Variants in ARHGAP20 observed in about 807,000 individuals in gnomAD.
ARHGAP20 encodes the protein rho GTPase-activating protein 20.
In ARHGAP20, 34 loss-of-function variants were observed where a neutral mutation model predicts 73.7. That is an observed-to-expected ratio of 0.46 (90% confidence interval 0.35 to 0.61). The LOEUF (loss-of-function observed/expected upper bound fraction) is 0.61, where lower values mean the gene tolerates loss of function less well. ARHGAP20 is among the 20% of genes least tolerant of loss of function. ARHGAP20 has a pLI of 0.00. For missense variants in ARHGAP20, 1,314 were observed against 1,420.9 expected (o/e 0.92, Z 1.21); for synonymous variants, 523 against 518.2 (o/e 1.01, Z -0.13).
At chr11:110,639,476 T>G (rs910478676) in intron 2 of ARHGAP20, among the ~76,000 whole-genome samples, 1 of 151,966 alleles carries the variant, frequency 6.6e-6, no homozygotes, top group Non-Finnish European at 1.5e-5. Flanking sequence ...TCAGTGGCAT[T>G]TAGTACACTG....
chr11:110,597,294 T>TAAA lies in ARHGAP20; in HGVS notation c.965-5142_965-5140dup, dbSNP rs35017824. On this transcript the variant is annotated intron_variant, in intron 9 of 14. Coordinates refer to ENST00000683387, the MANE Select transcript of ARHGAP20 (RefSeq NM_001384657.1). ...CCCTAAAGTATAATAATAATAAAAT[T>TAAA]AAAAAAAAAAAAACTGAAAAGGAAA... 3.9e-3 allele frequency among the ~76,000 whole-genome samples: 555 copies of TAAA among 142,624 alleles called. 2 individuals carry two copies. Among genetic ancestry groups the TAAA allele is most frequent in the African/African-American group, 0.012 (458 of 39,230 alleles). The allele number at this position is 142,624 out of a possible 152,430, so 93.6% of individuals were successfully genotyped here.
chr11:110,585,023 ATG>A (rs1180662659), intron 12 of ARHGAP20, among the ~76,000 whole-genome samples: 18 of 83,274 alleles, frequency 2.2e-4, no homozygotes, highest in East Asian at 5.0e-4. Flanking sequence ...GTGAACATAT[ATG>A]TGAATATATG....
intron 2 of ARHGAP20, among the ~76,000 whole-genome samples, chr11:110,646,853 G>C (rs1445520446): frequency 6.6e-6 from 1 of 152,072 alleles, no homozygotes; most frequent in Non-Finnish European, 1.5e-5. Flanking sequence ...GAGTGAGATA[G>C]GAAGAGGGTA....
chr11:110,598,845 G>T (rs1183879256), intron 9 of ARHGAP20, among the ~76,000 whole-genome samples: 1 of 152,132 alleles, frequency 6.6e-6, no homozygotes, highest in Non-Finnish European at 1.5e-5. Flanking sequence ...CATGGCTGTG[G>T]ACCCTGGAAT....
chr11:110,656,507 G>T (rs1258434968), intron 2 of ARHGAP20, among the ~76,000 whole-genome samples: 1 of 152,090 alleles, frequency 6.6e-6, no homozygotes, highest in East Asian at 1.9e-4. Context: ...TTCCCCAGTG[G>T]GTATTTGCCT....
chr11:110,627,911 C>T (rs1443234954), intron 3 of ARHGAP20, among the ~76,000 whole-genome samples: 1 of 152,036 alleles, frequency 6.6e-6, no homozygotes, highest in Non-Finnish European at 1.5e-5. Flanking sequence ...AAAAGTGGTC[C>T]CCAAGTACCC....
intron 2 of ARHGAP20, among the ~76,000 whole-genome samples, chr11:110,660,892 A>C (rs1949595359): frequency 6.6e-6 from 1 of 152,126 alleles, no homozygotes; most frequent in Non-Finnish European, 1.5e-5. Flanking sequence ...TTCCAACACT[A>C]CTTGCTCTGT....
chr11:110,619,561 A>G (rs539631933), intron 4 of ARHGAP20, among the ~76,000 whole-genome samples: 19 of 151,886 alleles, frequency 1.3e-4, no homozygotes, highest in Non-Finnish European at 2.2e-4. Context: ...ATGCAGTGAT[A>G]GAGTATATGT....
intron 11 of ARHGAP20, among the ~76,000 whole-genome samples, chr11:110,588,523 C>T (rs919456477): frequency 1.3e-5 from 2 of 152,116 alleles, no homozygotes; most frequent in African/African-American, 4.8e-5. Context: ...AAATTATCTC[C>T]CTTTCTGCAA....
chr11:110,696,622 C>G (rs962808600), intron 1 of ARHGAP20, among the ~76,000 whole-genome samples: 1 of 150,794 alleles, frequency 6.6e-6, no homozygotes, highest in Non-Finnish European at 1.5e-5. Flanking sequence ...TTTGCTACAT[C>G]GGTATATTGT....
chr11:110,648,895 CTTGA>C (rs1949287627), intron 2 of ARHGAP20, among the ~76,000 whole-genome samples: 1 of 151,922 alleles, frequency 6.6e-6, no homozygotes, highest in African/African-American at 2.4e-5. Flanking sequence ...TTCCAAGTAA[CTTGA>C]TTATTTACTT....
At chr11:110,603,104 T>C (rs1948147398) in intron 9 of ARHGAP20, among the ~76,000 whole-genome samples, 1 of 152,200 alleles carries the variant, frequency 6.6e-6, no homozygotes, top group Non-Finnish European at 1.5e-5. Context: ...ATCTATCAAG[T>C]GTTACTGGAT....
chr11:110,706,335 T>C (rs978694902), intron 1 of ARHGAP20, among the ~76,000 whole-genome samples: 11 of 152,162 alleles, frequency 7.2e-5, no homozygotes, highest in Non-Finnish European at 1.5e-4. Flanking sequence ...GTTCCTTCTT[T>C]AGGAAAAAAT....
chr11:110,579,939 C>T lies in ARHGAP20; in HGVS notation c.3007G>A (p.Gly1003Ser), dbSNP rs202001398. 21 of 1,614,182 alleles carry T rather than the reference C, an allele frequency of 1.3e-5. No homozygotes were observed. The East Asian group carries it at 1.3e-4, about 10-fold the overall frequency. Reference protein sequence around the residue: ...SNASHVSGMPGPSSGQACSRP... With the variant: ...SNASHVSGMPSPSSGQACSRP... Reference sequence around the variant, plus strand: ...CTGCAAGCCTGCCCTGATGAGGGACCGGGCATTCCGGAAACATGGCTGGCA... The same window carrying T: ...CTGCAAGCCTGCCCTGATGAGGGACTGGGCATTCCGGAAACATGGCTGGCA... The change falls in exon 15 of 15, where the codon GGT becomes AGT. Residue 1003 changes from glycine (G) to serine (S), a missense_variant. Gly to Ser is a moderately conservative substitution (Grantham distance 56). Transcript: ENST00000683387.
chr11:110,708,313 C>G (rs528734444), intron 1 of ARHGAP20, among the ~76,000 whole-genome samples: 5 of 152,178 alleles, frequency 3.3e-5, no homozygotes, highest in African/African-American at 7.2e-5. Context: ...GAATATAAAA[C>G]CACTTCGGAA....
intron 1 of ARHGAP20, among the ~76,000 whole-genome samples, chr11:110,702,118 C>T (rs1210649403): frequency 9.2e-5 from 14 of 151,860 alleles, no homozygotes; most frequent in East Asian, 5.8e-4. Flanking sequence ...TTGATGAACA[C>T]TGATGCAAAA....
chr11:110,675,788 T>C (rs964829698), intron 2 of ARHGAP20, among the ~76,000 whole-genome samples: 1 of 152,300 alleles, frequency 6.6e-6, no homozygotes, highest in South Asian at 2.1e-4. Context: ...AAACCCAGCA[T>C]AGATAGCAGT....
At chr11:110,655,343 G>C (rs953285703) in intron 2 of ARHGAP20, among the ~76,000 whole-genome samples, 1 of 152,158 alleles carries the variant, frequency 6.6e-6, no homozygotes, top group Non-Finnish European at 1.5e-5. Flanking sequence ...CAAGTTTAGT[G>C]AGAATGAGAT....
chr11:110,637,507 A>G (rs968252557), intron 2 of ARHGAP20, among the ~76,000 whole-genome samples: 1 of 152,104 alleles, frequency 6.6e-6, no homozygotes, highest in Non-Finnish European at 1.5e-5. Flanking sequence ...TCTAGCACCT[A>G]TGTTCTGCTT....
Sources: allele counts gnomAD v4.1 joint callset (sites outside exome capture counted in the v4.1 genomes callset), GRCh38; gene constraint gnomAD v4.1.1; transcripts MANE v1.5; gene names NCBI Gene and HGNC (gene_info 2026-07-23, HGNC 2026-07-21).